The following SPATA9 variants were observed in gnomAD, a reference collection of about 807,000 sequenced individuals.
SPATA9 encodes spermatogenesis-associated protein 9.
SPATA9 carries 27 observed loss-of-function variants against 25.5 expected under a neutral mutation model. That is an observed-to-expected ratio of 1.06 (90% confidence interval 0.78 to 1.46). The LOEUF is 1.46. Ranked by LOEUF, SPATA9 falls within the 40% of genes most tolerant of loss-of-function variation. The pLI is 0.00. For synonymous variants in SPATA9, 102 were observed against 105.7 expected (o/e 0.97, Z 0.21); for missense variants, 282 against 297.5 (o/e 0.95, Z 0.38).
rs754751326 is a variant in SPATA9 at position 95,653,085 on chromosome 5, C to T, written c.*572G>A. Reference sequence around the variant, plus strand: ...AACACATTCACCAAGACTTTTCTTTCCTTCAGGCTTTTGTATTTGCTCTTC... The same window carrying T: ...AACACATTCACCAAGACTTTTCTTTTCTTCAGGCTTTTGTATTTGCTCTTC... On this transcript the variant is annotated 3_prime_UTR_variant and NMD_transcript_variant, in exon 9 of 9. Transcript: ENST00000316087. 51 of 1,549,828 alleles carry T rather than the reference C, an allele frequency of 3.3e-5. 1 individual carries two copies. The South Asian group carries it at 6.1e-4, about 19-fold the overall frequency.
At chr5:95,703,600 T>C (rs1303296864), upstream of SPATA9, among the ~76,000 whole-genome samples, 1 of 151,950 alleles carries the variant, frequency 6.6e-6, no homozygotes, top group African/African-American at 2.4e-5. Context: ...CACCACTGCA[T>C]TCCAGCCTGG....
intron 1 of SPATA9, among the ~76,000 whole-genome samples, chr5:95,694,890 G>A (rs1377604010): frequency 2.0e-5 from 3 of 152,100 alleles, no homozygotes; most frequent in Non-Finnish European, 2.9e-5. Context: ...TTAGTCCAGC[G>A]ATGGCACCAG....
chr5:95,677,416 C>T lies in SPATA9; in HGVS notation c.151-1777G>A, dbSNP rs1753040753. Among the ~76,000 whole-genome samples the T allele has an allele frequency of 2.0e-5, 3 of 152,190 alleles. No individual in the cohort carries two copies. The South Asian group carries it at 6.2e-4, about 32-fold the overall frequency. On this transcript the variant is annotated intron_variant, in intron 2 of 4. Transcript: ENST00000274432. Reference sequence around the variant, plus strand: ...AAATACCAAATATTACATTAGAAACCACACAGAAAGTTTTCAGTGCACAGT... The same window carrying T: ...AAATACCAAATATTACATTAGAAACTACACAGAAAGTTTTCAGTGCACAGT...
At chr5:95,721,693 TAAA>T in the SPATA9 span, among the ~76,000 whole-genome samples, 1 of 132,188 alleles carries the variant, frequency 7.6e-6, no homozygotes, top group South Asian at 2.5e-4. Context: ...CTGAGAGCAT[TAAA>T]AAAAAAAAAA....
chr5:95,664,019 G>A lies in SPATA9; in HGVS notation c.408C>T (p.Ile136=). The change falls in exon 4 of 5, where the codon ATC becomes ATT. Residue 136 remains isoleucine (I), a synonymous_variant. Coordinates refer to ENST00000274432, the MANE Select transcript of SPATA9 (RefSeq NM_031952.4). ...QVRKGSLFEI[I]SFPAKTALTS... ...TTAAAGCAGTCTTTGCTGGAAAGGA[G>A]ATGATTTCAAACAAAGAACCCTTTC... 1 of 1,591,306 alleles carries A rather than the reference G, an allele frequency of 6.3e-7. No individual in the cohort carries two copies. The highest frequency in any genetic ancestry group is 2.3e-5 in the East Asian group (1 of 44,404).
chr5:95,682,927 T>C lies in SPATA9; in HGVS notation c.-73A>G. The C allele has an allele frequency of 7.0e-7, 1 of 1,418,944 alleles. No individual in the cohort carries two copies. The highest frequency in any genetic ancestry group is 9.2e-7 in the Non-Finnish European group (1 of 1,084,360). The allele number at this position is 1,418,944 out of a possible 1,614,324, so 87.9% of individuals were successfully genotyped here. On this transcript the variant is annotated 5_prime_UTR_variant, in exon 1 of 5. It removes an upstream start codon present in the reference 5' UTR. Coordinates refer to ENST00000274432, the MANE Select transcript of SPATA9 (RefSeq NM_031952.4). Reference sequence around the variant, plus strand: ...GGGTAATGCTTGTCCTAGTCTGCCATTAGTGAAAGATGAGGGTAGCCTTCC... The same window carrying C: ...GGGTAATGCTTGTCCTAGTCTGCCACTAGTGAAAGATGAGGGTAGCCTTCC...
At chr5:95,731,256 C>T in the SPATA9 span, 2 of 1,006,162 alleles carry the variant, frequency 2.0e-6, no homozygotes, top group Middle Eastern at 4.9e-4. Flanking sequence ...CGTGCTGCGC[C>T]CGGTCCGCTG....
intron 3 of SPATA9, among the ~76,000 whole-genome samples, chr5:95,672,259 C>A (rs1296624781): frequency 6.6e-6 from 1 of 152,152 alleles, no homozygotes; most frequent in Non-Finnish European, 1.5e-5. Context: ...GGAAGCTGGT[C>A]TCCATGTGGG....
At chr5:95,721,028 C>A in the SPATA9 span, among the ~76,000 whole-genome samples, 4 of 152,174 alleles carry the variant, frequency 2.6e-5, no homozygotes, top group Admixed American at 6.5e-5. Context: ...CTAAACATGA[C>A]ACATCCCTTA....
chr5:95,675,137 G>T (rs2112641576), intron 3 of SPATA9, among the ~76,000 whole-genome samples: 1 of 152,304 alleles, frequency 6.6e-6, no homozygotes, highest in Admixed American at 6.5e-5. Context: ...CTAGTTGTAA[G>T]ATTTCTGTTA....
chr5:95,660,771 A>G (rs1209754994), intron 4 of SPATA9, among the ~76,000 whole-genome samples: 2 of 152,234 alleles, frequency 1.3e-5, no homozygotes, highest in Non-Finnish European at 2.9e-5. Context: ...GATCAAGGTC[A>G]GTATCCTTCT....
chr5:95,680,824 T>A (rs1753388944), intron 2 of SPATA9, among the ~76,000 whole-genome samples: 1 of 152,192 alleles, frequency 6.6e-6, no homozygotes, highest in African/African-American at 2.4e-5. Context: ...GCATGACCCC[T>A]TAAACTGTGA....
chr5:95,669,600 T>A (rs1752172375), intron 3 of SPATA9, among the ~76,000 whole-genome samples: 1 of 152,208 alleles, frequency 6.6e-6, no homozygotes, highest in South Asian at 2.1e-4. Context: ...TCAACTCTAA[T>A]GCCATTATAG....
upstream of SPATA9, among the ~76,000 whole-genome samples, chr5:95,703,413 C>A (rs1414431170): frequency 6.6e-6 from 1 of 152,080 alleles, no homozygotes; most frequent in African/African-American, 2.4e-5. Flanking sequence ...ACAGGTGGAT[C>A]CCTTGAGGTC....
At chr5:95,685,557 G>A (rs1226941351), upstream of SPATA9, among the ~76,000 whole-genome samples, 13 of 152,222 alleles carry the variant, frequency 8.5e-5, no homozygotes, top group Non-Finnish European at 5.9e-5. Context: ...CCAGCTCACA[G>A]TGTGCTTTGT....
At chr5:95,724,623 G>A in the SPATA9 span, among the ~76,000 whole-genome samples, 4 of 152,052 alleles carry the variant, frequency 2.6e-5, no homozygotes, top group African/African-American at 7.2e-5. Context: ...CCACCACCAC[G>A]CCCGGCTAAT....
At chr5:95,698,485 G>C (rs769553694) in intron 1 of SPATA9, 4 of 152,192 alleles carry the variant, frequency 2.6e-5, no homozygotes, top group Admixed American at 6.5e-5. Context: ...GAAGGTTCCC[G>C]GAAGGCTTCC....
the SPATA9 span, among the ~76,000 whole-genome samples, chr5:95,729,810 C>T: frequency 6.6e-6 from 1 of 152,206 alleles, no homozygotes; most frequent in African/African-American, 2.4e-5. Context: ...AGCACAAGGT[C>T]CTCAAGGTTC....
chr5:95,658,927 AG>A lies in SPATA9; in HGVS notation c.475-15del, dbSNP rs1480704358. On this transcript the variant is annotated splice_polypyrimidine_tract_variant and intron_variant, in intron 4 of 4. Transcript: ENST00000274432. ...AACACAGACTGCCTATACAATAAAAAGAGTTTGTAAAGTGAAGTTTCTTTTT... is the reference window on the plus strand; with the variant it reads ...AACACAGACTGCCTATACAATAAAAAAGTTTGTAAAGTGAAGTTTCTTTTT... The A allele has an allele frequency of 6.4e-7, 1 of 1,569,438 alleles. No individual in the cohort carries two copies. The highest frequency in any genetic ancestry group is 1.2e-5 in the South Asian group (1 of 83,580).
Sources: allele counts gnomAD v4.1 joint callset (sites outside exome capture counted in the v4.1 genomes callset), GRCh38; gene constraint gnomAD v4.1.1; transcripts MANE v1.5; gene names NCBI Gene and HGNC (gene_info 2026-07-23, HGNC 2026-07-21).